The following ATOSA variants were observed in gnomAD, a reference collection of about 807,000 sequenced individuals.
ATOSA encodes atos homolog A.
At chr15:52,707,901 C>T in the ATOSA span, among the ~76,000 whole-genome samples, 5 of 152,132 alleles carry the variant, frequency 3.3e-5, no homozygotes, top group Non-Finnish European at 5.9e-5. Context: ...AATTCATTTG[C>T]CTTTCCTACG....
the ATOSA span, chr15:52,584,719 A>G: frequency 3.1e-6 from 5 of 1,591,214 alleles, no homozygotes; most frequent in African/African-American, 4.1e-5. Flanking sequence ...CTAAAGTAAC[A>G]TTTTCATATT....
At chr15:52,651,760 A>C in the ATOSA span, 1 of 1,045,478 alleles carries the variant, frequency 9.6e-7, no homozygotes. Context: ...ATTTTCCTAG[A>C]CCTATTTATT....
At chr15:52,693,525 A>G in the ATOSA span, among the ~76,000 whole-genome samples, 2 of 152,234 alleles carry the variant, frequency 1.3e-5, no homozygotes, top group African/African-American at 4.8e-5. Context: ...CTTCTAGTAT[A>G]TCAACACTGG....
At chr15:52,655,137 A>G in the ATOSA span, among the ~76,000 whole-genome samples, 2 of 152,120 alleles carry the variant, frequency 1.3e-5, no homozygotes, top group Non-Finnish European at 2.9e-5. Flanking sequence ...TAAATCTAAT[A>G]TATGTGCCCT....
At chr15:52,655,880 A>T in the ATOSA span, among the ~76,000 whole-genome samples, 1 of 152,094 alleles carries the variant, frequency 6.6e-6, no homozygotes, top group Non-Finnish European at 1.5e-5. Flanking sequence ...CTATTTCTTT[A>T]TTTGAAAAGT....
chr15:52,633,100 A>G, the ATOSA span, among the ~76,000 whole-genome samples: 1 of 152,208 alleles, frequency 6.6e-6, no homozygotes, highest in Non-Finnish European at 1.5e-5. Flanking sequence ...TTAGGGGAGA[A>G]GGGAAGCTTT....
At chr15:52,647,621 A>T in the ATOSA span, among the ~76,000 whole-genome samples, 1 of 152,204 alleles carries the variant, frequency 6.6e-6, no homozygotes, top group East Asian at 1.9e-4. Context: ...GAAAAGTCAG[A>T]ATAAAGTTAC....
the ATOSA span, chr15:52,610,252 T>C: frequency 1.2e-6 from 2 of 1,613,974 alleles, no homozygotes; most frequent in Middle Eastern, 3.3e-4. Flanking sequence ...AACTGGATAA[T>C]TAGATTGTCT....
the ATOSA span, among the ~76,000 whole-genome samples, chr15:52,668,705 A>T: frequency 0.018 from 2,691 of 152,270 alleles, 84 homozygotes; most frequent in African/African-American, 0.062. Flanking sequence ...AACTGAAAAA[A>T]GTACCAGTTT....
the ATOSA span, chr15:52,651,790 G>C: frequency 4.5e-6 from 6 of 1,342,410 alleles, no homozygotes; most frequent in Non-Finnish European, 6.1e-6. Flanking sequence ...TGCAAAGCAA[G>C]CACCACAGCC....
chr15:52,582,143 A>G, the ATOSA span: 3 of 1,555,058 alleles, frequency 1.9e-6, no homozygotes, highest in Non-Finnish European at 2.6e-6. Flanking sequence ...ACTTTAAATC[A>G]TCACTCCTTA....
chr15:52,610,272 C>A, the ATOSA span: 39 of 1,613,946 alleles, frequency 2.4e-5, no homozygotes, highest in African/African-American at 4.9e-4. Context: ...TGGGCAAGGA[C>A]TGAACACTGA....
the ATOSA span, among the ~76,000 whole-genome samples, chr15:52,700,758 C>G: frequency 6.6e-6 from 1 of 152,078 alleles, no homozygotes; most frequent in Non-Finnish European, 1.5e-5. Flanking sequence ...AAAATAAACT[C>G]CTTGTTTTTT....
chr15:52,664,843 T>C, the ATOSA span, among the ~76,000 whole-genome samples: 1 of 151,570 alleles, frequency 6.6e-6, no homozygotes, highest in Admixed American at 6.6e-5. Context: ...GAGGCTGAGG[T>C]GGAGGGATTA....
At chr15:52,648,500 T>G in the ATOSA span, 1 of 152,144 alleles carries the variant, frequency 6.6e-6, no homozygotes, top group Non-Finnish European at 1.5e-5. Flanking sequence ...TTCTAGGTAT[T>G]TTGAAATATA....
the ATOSA span, among the ~76,000 whole-genome samples, chr15:52,621,218 A>C: frequency 2.0e-5 from 3 of 152,208 alleles, no homozygotes; most frequent in African/African-American, 7.2e-5. Context: ...TATCTACAAT[A>C]TAAGTAAAAC....
At chr15:52,683,643 A>T in the ATOSA span, among the ~76,000 whole-genome samples, 4 of 152,218 alleles carry the variant, frequency 2.6e-5, no homozygotes, top group Non-Finnish European at 5.9e-5. Context: ...TTAATACAAC[A>T]TCCCTATGAA....
chr15:52,620,847 A>G, the ATOSA span, among the ~76,000 whole-genome samples: 21 of 152,264 alleles, frequency 1.4e-4, no homozygotes, highest in African/African-American at 4.6e-4. Flanking sequence ...CAGAGGAAGG[A>G]GGATCACTTG....
At chr15:52,651,523 C>T in the ATOSA span, among the ~76,000 whole-genome samples, 2 of 152,160 alleles carry the variant, frequency 1.3e-5, no homozygotes, top group Non-Finnish European at 2.9e-5. Context: ...CCTCCTGCCC[C>T]CACATACAGT....
Sources: gnomAD v4.1 joint callset for allele counts (sites outside exome capture counted in the v4.1 genomes callset) on GRCh38, gnomAD v4.1.1 for gene constraint, MANE v1.5 for transcripts, NCBI Gene and HGNC (gene_info 2026-07-23, HGNC 2026-07-21) for gene names.